The following RBFOX1 variants were observed in gnomAD, a reference collection of about 807,000 sequenced individuals.
RBFOX1 encodes the protein RNA binding protein fox-1 homolog 1.
A neutral mutation model predicts 57.7 loss-of-function variants in RBFOX1; 8 were observed. That is an observed-to-expected ratio of 0.14 (90% confidence interval 0.08 to 0.25). The LOEUF (loss-of-function observed/expected upper bound fraction) is 0.25. Ranked by LOEUF, RBFOX1 falls within the 10% of genes least tolerant of loss-of-function variation. The pLI is 1.00. For synonymous variants in RBFOX1, 326 were observed against 222.4 expected (o/e 1.47, Z -4.15); for missense variants, 611 against 548.5 (o/e 1.11, Z -1.14).
At chr16:5,767,816 G>T (rs913486789) in intron 3 of RBFOX1, among the ~76,000 whole-genome samples, 13 of 152,048 alleles carry the variant, frequency 8.5e-5, no homozygotes, top group Admixed American at 1.3e-4. Context: ...AGGGGCTCTC[G>T]ACTTTGGCCA....
intron 2 of RBFOX1, among the ~76,000 whole-genome samples, chr16:6,598,303 C>A (rs1021252547): frequency 6.6e-6 from 1 of 152,086 alleles, no homozygotes; most frequent in African/African-American, 2.4e-5. Context: ...TTATTATTTA[C>A]TCTTTTAAAA....
At chr16:7,043,482 T>C (rs1047649622) in intron 3 of RBFOX1, among the ~76,000 whole-genome samples, 9 of 152,316 alleles carry the variant, frequency 5.9e-5, no homozygotes, top group Admixed American at 3.9e-4. Flanking sequence ...GGGCTCACCC[T>C]AGGTACTTGG....
At chr16:7,153,549 A>G (rs1414777415) in intron 4 of RBFOX1, among the ~76,000 whole-genome samples, 1 of 151,594 alleles carries the variant, frequency 6.6e-6, no homozygotes, top group African/African-American at 2.4e-5. Flanking sequence ...ATCCTGGCCA[A>G]ATAGTGAAAC....
intron 5 of RBFOX1, among the ~76,000 whole-genome samples, chr16:7,522,905 C>T (rs1355795538): frequency 1.3e-5 from 2 of 152,112 alleles, no homozygotes; most frequent in African/African-American, 2.4e-5. Context: ...ACAAATGTAC[C>T]TGCATGCACA....
chr16:6,496,989 T>G (rs1212261009), intron 2 of RBFOX1, among the ~76,000 whole-genome samples: 1 of 152,064 alleles, frequency 6.6e-6, no homozygotes, highest in Non-Finnish European at 1.5e-5. Flanking sequence ...GAAAATGCAC[T>G]AAGTATAGTA....
At chr16:7,236,548 G>A (rs925157330) in intron 4 of RBFOX1, among the ~76,000 whole-genome samples, 1 of 152,010 alleles carries the variant, frequency 6.6e-6, no homozygotes, top group Non-Finnish European at 1.5e-5. Context: ...CATCTGTTTT[G>A]GTAATTACTG....
At chr16:5,341,158 G>C (rs531562541) in intron 1 of RBFOX1, among the ~76,000 whole-genome samples, 2 of 152,250 alleles carry the variant, frequency 1.3e-5, no homozygotes, top group South Asian at 4.2e-4. Flanking sequence ...AGTAAGGGGG[G>C]AGTAGGAGGA....
intron 4 of RBFOX1, among the ~76,000 whole-genome samples, chr16:7,152,923 A>C (rs1162075949): frequency 6.6e-6 from 1 of 152,222 alleles, no homozygotes; most frequent in East Asian, 1.9e-4. Flanking sequence ...CTGAGAACAA[A>C]CAAAATCTAG....
chr16:6,941,292 C>CTCCCTCCCTCCCTCCCTCCT (rs2078429479), intron 3 of RBFOX1, among the ~76,000 whole-genome samples: 2 of 80,126 alleles, frequency 2.5e-5, no homozygotes, highest in African/African-American at 1.0e-4. Context: ...CCCTCCTTCC[C>CTCCCTCCCTCCCTCCCTCCT]TCCCTCCCTC....
chr16:5,822,279 G>T (rs113982345), intron 3 of RBFOX1, among the ~76,000 whole-genome samples: 7,882 of 152,182 alleles, frequency 0.052, 209 homozygotes, highest in African/African-American at 0.072. Flanking sequence ...TTGGGGACTT[G>T]GGGGGAATAG....
intron 4 of RBFOX1, among the ~76,000 whole-genome samples, chr16:5,925,676 T>TTA (rs56125353): frequency 0.092 from 13,925 of 152,076 alleles, 821 homozygotes; most frequent in Non-Finnish European, 0.13. Flanking sequence ...AATATACATA[T>TTA]TATATATATA....
chr16:7,630,461 GC>G (rs1412857618), intron 10 of RBFOX1, 141 bp from the exon 11 acceptor site: 1 of 1,507,158 alleles, frequency 6.6e-7, no homozygotes, highest in Admixed American at 2.3e-5. Flanking sequence ...AAGGCAGGGG[GC>G]TTTGTTGGGT....
intron 1 of RBFOX1, among the ~76,000 whole-genome samples, chr16:5,426,713 C>T (rs1431791284): frequency 1.3e-5 from 2 of 152,260 alleles, no homozygotes; most frequent in Admixed American, 1.3e-4. Flanking sequence ...TTTCTGTTAT[C>T]GCTCCAGGGA....
chr16:5,990,514 C>T (rs577275245), intron 4 of RBFOX1, among the ~76,000 whole-genome samples: 1 of 152,312 alleles, frequency 6.6e-6, no homozygotes, highest in East Asian at 1.9e-4. Context: ...TTTCTGCCCT[C>T]CCAAGGGATT....
chr16:5,926,000 G>A (rs1208760661), intron 4 of RBFOX1, among the ~76,000 whole-genome samples: 1 of 152,156 alleles, frequency 6.6e-6, no homozygotes, highest in African/African-American at 2.4e-5. Context: ...TACAGGTGTG[G>A]TAGCAGTCAG....
chr16:7,264,502 T>A (rs1277550215), intron 4 of RBFOX1, among the ~76,000 whole-genome samples: 1 of 152,212 alleles, frequency 6.6e-6, no homozygotes, highest in Non-Finnish European at 1.5e-5. Flanking sequence ...AAGCTAAGTA[T>A]GTTAGTCTTT....
At chr16:7,324,955 C>T (rs1200558840) in intron 4 of RBFOX1, among the ~76,000 whole-genome samples, 1 of 152,178 alleles carries the variant, frequency 6.6e-6, no homozygotes, top group African/African-American at 2.4e-5. Context: ...AAGCCATATA[C>T]CTATCCTTTG....
chr16:6,303,741 C>T (rs537022145), intron 1 of RBFOX1, among the ~76,000 whole-genome samples: 8 of 149,724 alleles, frequency 5.3e-5, no homozygotes, highest in African/African-American at 1.7e-4. Context: ...TTTGGGAGGC[C>T]GAGGAGGGTG....
intron 1 of RBFOX1, among the ~76,000 whole-genome samples, chr16:6,108,161 G>A (rs2096404411): frequency 6.6e-6 from 1 of 151,950 alleles, no homozygotes; most frequent in Non-Finnish European, 1.5e-5. Flanking sequence ...TTTTAATATT[G>A]GTGATACCTA....
Sources: gnomAD v4.1 joint callset for allele counts (sites outside exome capture counted in the v4.1 genomes callset) on GRCh38, gnomAD v4.1.1 for gene constraint, MANE v1.5 for transcripts, NCBI Gene and HGNC (gene_info 2026-07-23, HGNC 2026-07-21) for gene names.